OSBPL9: variants seen among roughly 807,000 people sequenced by gnomAD.
The protein encoded by OSBPL9 is oxysterol binding protein like 9, also known as oxysterol-binding protein-related protein 9.
In OSBPL9, 40 loss-of-function variants were observed where a neutral mutation model predicts 106.6. That is an observed-to-expected ratio of 0.38 (90% confidence interval 0.29 to 0.49). The LOEUF is 0.49. Among genes scored for constraint, OSBPL9 ranks in the 20% least tolerant of loss-of-function variants. The pLI is 0.97. For synonymous variants in OSBPL9, 269 were observed against 295.4 expected (o/e 0.91, Z 0.92); for missense variants, 609 against 887.2 (o/e 0.69, Z 3.98).
intron 7 of OSBPL9, 82 bp downstream of exon 7, chr1:51,748,480 G>A (rs922668192): frequency 6.8e-6 from 9 of 1,322,956 alleles, no homozygotes; most frequent in African/African-American, 1.5e-5. Context: ...TGCCACTATT[G>A]ATGACAGCAA....
At chr1:51,529,535 A>G in the OSBPL9 span, among the ~76,000 whole-genome samples, 2 of 151,940 alleles carry the variant, frequency 1.3e-5, no homozygotes, top group African/African-American at 4.8e-5. Context: ...CTGATTTTAA[A>G]CTTACTACAA....
chr1:51,730,209 A>G, intron 4 of OSBPL9: 3 of 1,194,736 alleles, frequency 2.5e-6, no homozygotes, highest in Non-Finnish European at 3.1e-6. Context: ...GGCTGAGGTC[A>G]GGGCCTCCAG....
At chr1:51,630,885 T>C (rs1024306266) in intron 1 of OSBPL9, among the ~76,000 whole-genome samples, 3 of 152,224 alleles carry the variant, frequency 2.0e-5, no homozygotes, top group Non-Finnish European at 4.4e-5. Context: ...ATGCTTATTC[T>C]ATAAGCTCTT....
intron 3 of OSBPL9, among the ~76,000 whole-genome samples, chr1:51,704,910 A>G (rs551968625): frequency 3.5e-4 from 54 of 152,286 alleles, no homozygotes; most frequent in African/African-American, 1.3e-3. Context: ...ATGCAAAAAG[A>G]TATATTCAGA....
chr1:51,731,141 A>T (rs1664298531), intron 4 of OSBPL9, among the ~76,000 whole-genome samples: 1 of 152,016 alleles, frequency 6.6e-6, no homozygotes, highest in South Asian at 2.1e-4. Flanking sequence ...GTGTATGATT[A>T]AAAGTCAGAT....
At chr1:51,714,808 G>C (rs376859669) in intron 4 of OSBPL9, among the ~76,000 whole-genome samples, 91 of 152,292 alleles carry the variant, frequency 6.0e-4, no homozygotes, top group African/African-American at 2.1e-3. Flanking sequence ...ATCCTGACCA[G>C]TCACAATTTC....
At chr1:51,643,572 G>A (rs1645944454) in intron 1 of OSBPL9, among the ~76,000 whole-genome samples, 1 of 152,188 alleles carries the variant, frequency 6.6e-6, no homozygotes, top group African/African-American at 2.4e-5. Context: ...GTAGGCTGGA[G>A]CCAGGCCAAG....
intron 9 of OSBPL9, among the ~76,000 whole-genome samples, chr1:51,757,316 C>T (rs749086383): frequency 2.0e-5 from 3 of 151,852 alleles, no homozygotes; most frequent in South Asian, 4.2e-4. Flanking sequence ...AAAGTATGAT[C>T]CATGGTGATA....
rs772544413 is a variant in OSBPL9 at position 51,789,219 on chromosome 1, A to T, written c.*1430A>T. ...TTAAAATACACATTGCTTCAGGCCA[A>T]CGTGACTGCAGTTTATTTATTTGAC... On this transcript the variant is annotated 3_prime_UTR_variant, in exon 24 of 24. Transcript: ENST00000428468. 2.5e-6 allele frequency: 4 copies of T among 1,609,226 alleles called. No individual in the cohort carries two copies. In the Admixed American group the frequency reaches 6.7e-5, roughly 27 times the overall value.
At chr1:51,783,851 T>C in intron 17 of OSBPL9, 64 bp from the exon 18 acceptor site, 2 of 1,192,654 alleles carry the variant, frequency 1.7e-6, no homozygotes, top group Non-Finnish European at 2.5e-6. Context: ...TTTCCCCAGG[T>C]TATGTGATTT....
intron 1 of OSBPL9, among the ~76,000 whole-genome samples, chr1:51,626,682 GT>G (rs1644787449): frequency 6.6e-6 from 1 of 150,648 alleles, no homozygotes; most frequent in African/African-American, 2.4e-5. Context: ...GCTAATTTTT[GT>G]TTTGCTTTTT....
intron 12 of OSBPL9, 64 bp downstream of exon 12, chr1:51,766,045 T>C: frequency 6.9e-7 from 1 of 1,441,656 alleles, no homozygotes; most frequent in Non-Finnish European, 9.3e-7. Flanking sequence ...CTAATTTGAT[T>C]TTGAGACTAG....
At chr1:51,769,877 T>C (rs1451740215) in intron 12 of OSBPL9, among the ~76,000 whole-genome samples, 1 of 152,140 alleles carries the variant, frequency 6.6e-6, no homozygotes, top group African/African-American at 2.4e-5. Context: ...AAGATTCATA[T>C]GTTATAGGAT....
At chr1:51,650,295 G>C (rs1340011349) in intron 1 of OSBPL9, among the ~76,000 whole-genome samples, 1 of 152,182 alleles carries the variant, frequency 6.6e-6, no homozygotes, top group Non-Finnish European at 1.5e-5. Context: ...TATAGTAGAA[G>C]AGGATCAAGG....
chr1:51,700,247 C>T (rs1395499232), intron 3 of OSBPL9, among the ~76,000 whole-genome samples: 1 of 152,188 alleles, frequency 6.6e-6, no homozygotes, highest in Non-Finnish European at 1.5e-5. Flanking sequence ...CTTCCCTCTT[C>T]CTCTTGCTTT....
the OSBPL9 span, among the ~76,000 whole-genome samples, chr1:51,558,212 G>A: frequency 2.0e-5 from 3 of 151,924 alleles, no homozygotes; most frequent in African/African-American, 4.8e-5. Flanking sequence ...CCCGGGAGGC[G>A]GAGCTTGCAG....
intron 8 of OSBPL9, among the ~76,000 whole-genome samples, chr1:51,754,728 T>A (rs1361761699): frequency 1.3e-5 from 2 of 152,200 alleles, no homozygotes; most frequent in African/African-American, 2.4e-5. Context: ...ACCAAAAATA[T>A]TATTTCAACA....
intron 1 of OSBPL9, among the ~76,000 whole-genome samples, chr1:51,641,813 A>G (rs1645811018): frequency 6.6e-6 from 1 of 152,180 alleles, no homozygotes; most frequent in East Asian, 1.9e-4. Context: ...ATCTGTTTAG[A>G]TCTACAGAAT....
intron 1 of OSBPL9, among the ~76,000 whole-genome samples, chr1:51,644,750 T>G (rs1241353051): frequency 1.3e-5 from 2 of 152,236 alleles, no homozygotes; most frequent in East Asian, 3.8e-4. Context: ...AATCATTTCC[T>G]GCTCTTCCCT....
Sources: gnomAD v4.1 joint callset for allele counts (sites outside exome capture counted in the v4.1 genomes callset) on GRCh38, gnomAD v4.1.1 for gene constraint, MANE v1.5 for transcripts, NCBI Gene and HGNC (gene_info 2026-07-23, HGNC 2026-07-21) for gene names.